The following FGF12 variants were observed in gnomAD, a reference collection of about 807,000 sequenced individuals.
FGF12 encodes the protein fibroblast growth factor 12B.
A neutral mutation model predicts 23.6 loss-of-function variants in FGF12; 14 were observed. That is an observed-to-expected ratio of 0.59 (90% CI 0.39 to 0.93). The LOEUF (loss-of-function observed/expected upper bound fraction) is 0.93. FGF12 is among the 40% of genes least tolerant of loss of function. FGF12 has a pLI of 0.00. For synonymous variants in FGF12, 62 were observed against 77.3 expected (o/e 0.80, Z 1.04); for missense variants, 175 against 217.8 (o/e 0.80, Z 1.24).
At chr3:192,518,099 T>A (rs1401114355) in intron 2 of FGF12, among the ~76,000 whole-genome samples, 2 of 152,176 alleles carry the variant, frequency 1.3e-5, no homozygotes, top group African/African-American at 4.8e-5. Flanking sequence ...TTACTGGCAA[T>A]AATATTTTTA....
At chr3:192,572,934 T>G (rs570596147) in intron 2 of FGF12, among the ~76,000 whole-genome samples, 1 of 152,256 alleles carries the variant, frequency 6.6e-6, no homozygotes, top group African/African-American at 2.4e-5. Context: ...AATAAATATT[T>G]AGTAAATGTT....
At chr3:192,181,398 C>G (rs1219060626) in intron 4 of FGF12, among the ~76,000 whole-genome samples, 1 of 151,394 alleles carries the variant, frequency 6.6e-6, no homozygotes, top group Non-Finnish European at 1.5e-5. Flanking sequence ...CACACACACA[C>G]AGCATGACAA....
intron 3 of FGF12, among the ~76,000 whole-genome samples, chr3:192,337,857 AT>A (rs1455090551): frequency 1.3e-5 from 2 of 152,172 alleles, no homozygotes; most frequent in African/African-American, 4.8e-5. Flanking sequence ...CCTCAGTAAT[AT>A]TTTTTAGTTT....
Position 192,396,126 on chromosome 3 carries a change from A to T in FGF12, c.14-35588T>A, listed in dbSNP as rs80077142. Among the ~76,000 whole-genome samples, 1,145 of 152,296 alleles carry T rather than the reference A, an allele frequency of 7.5e-3. 19 individuals carry two copies. Among genetic ancestry groups the T allele is most frequent in the African/African-American group, 0.026 (1,086 of 41,548 alleles). Reference sequence around the variant, plus strand: ...AGACAGATTGTGGCTAAGTTTTTTAAATTAAGAAATTACTGTTTTTCTTGA... The same window carrying T: ...AGACAGATTGTGGCTAAGTTTTTTATATTAAGAAATTACTGTTTTTCTTGA... On this transcript the variant is annotated intron_variant, in intron 2 of 5. Coordinates refer to ENST00000445105, the MANE Select transcript of FGF12 (RefSeq NM_004113.6).
rs755224271 is a variant in FGF12 at position 192,437,025 on chromosome 3, C to T, written c.14-76487G>A. On this transcript the variant is annotated intron_variant, in intron 2 of 5. Coordinates refer to ENST00000445105, the MANE Select transcript of FGF12 (RefSeq NM_004113.6). The stretch of plus-strand genomic sequence containing the variant: ...TAGAGGCTATGGAGGTGTTTAAGGA[C>T]GAGAGTGATATAGTCTGAATTGCAT... Among the ~76,000 whole-genome samples the T allele has an allele frequency of 4.6e-5, 7 of 152,208 alleles. No homozygotes were observed. In the South Asian group the frequency reaches 6.2e-4, roughly 14 times the overall value.
At position 192,408,290 on chromosome 3, in the gene FGF12, G is replaced by A; in HGVS notation, c.14-47752C>T. On this transcript the variant is annotated intron_variant, in intron 2 of 5. Transcript: ENST00000445105. This position sits in a 1 kb window ranked among gnomAD's most constrained non-coding sequence, Gnocchi z 7.3. ...CCTCCGGCTTGCGCTCCGCCGGGGCGAGGGCAGGACCTGGGCGGCCAGGGA... is the reference window on the plus strand; with the variant it reads ...CCTCCGGCTTGCGCTCCGCCGGGGCAAGGGCAGGACCTGGGCGGCCAGGGA... The A allele has an allele frequency of 2.0e-6, 3 of 1,485,972 alleles. No individual in the cohort carries two copies. Among genetic ancestry groups the A allele is most frequent in the Non-Finnish European group, 2.7e-6 (3 of 1,123,044 alleles). 92.0% of individuals were successfully genotyped at this position (1,485,972 alleles called of 1,614,324 possible).
intron 2 of FGF12, among the ~76,000 whole-genome samples, chr3:192,524,119 G>T (rs1171045224): frequency 2.0e-5 from 3 of 151,980 alleles, no homozygotes; most frequent in African/African-American, 7.3e-5. Flanking sequence ...CCAGCAGCAG[G>T]GCTGCAACTA....
At chr3:192,708,002 C>T (rs1473616665) in intron 2 of FGF12, among the ~76,000 whole-genome samples, 1 of 152,126 alleles carries the variant, frequency 6.6e-6, no homozygotes, top group Non-Finnish European at 1.5e-5. Flanking sequence ...CTCTGTCACC[C>T]AGGCTGGAGT....
intron 5 of FGF12, among the ~76,000 whole-genome samples, chr3:192,157,639 T>C (rs1714497897): frequency 6.6e-6 from 1 of 152,220 alleles, no homozygotes; most frequent in Admixed American, 6.5e-5. Context: ...TTACAACTTC[T>C]AACATTCAAC....
intron 2 of FGF12, among the ~76,000 whole-genome samples, chr3:192,459,132 T>C (rs1038108514): frequency 1.3e-5 from 2 of 152,224 alleles, no homozygotes; most frequent in African/African-American, 4.8e-5. Context: ...TATGTCTTTA[T>C]CAGCAATGTG....
At chr3:192,343,316 C>G (rs1301579020) in intron 3 of FGF12, among the ~76,000 whole-genome samples, 2 of 152,064 alleles carry the variant, frequency 1.3e-5, no homozygotes, top group Non-Finnish European at 2.9e-5. Context: ...ATATCATTTC[C>G]CACATCTCAA....
At chr3:192,564,037 GTT>G (rs111447729) in intron 2 of FGF12, among the ~76,000 whole-genome samples, 30 of 135,626 alleles carry the variant, frequency 2.2e-4, no homozygotes, top group African/African-American at 1.0e-3. Context: ...GTAGTTTTTT[GTT>G]TTTTTTTGTT....
intron 4 of FGF12, among the ~76,000 whole-genome samples, chr3:192,199,893 A>T (rs910348190): frequency 6.6e-6 from 1 of 152,212 alleles, no homozygotes; most frequent in Non-Finnish European, 1.5e-5. Context: ...TATGACCAGA[A>T]TGATTCATAT....
At chr3:192,469,910 A>G (rs182855772) in intron 2 of FGF12, among the ~76,000 whole-genome samples, 1 of 152,356 alleles carries the variant, frequency 6.6e-6, no homozygotes, top group Admixed American at 6.5e-5. Context: ...CATAAAAATT[A>G]TCTGTTTTAC....
chr3:192,413,179 G>A (rs570853475), intron 2 of FGF12, among the ~76,000 whole-genome samples: 1 of 152,284 alleles, frequency 6.6e-6, no homozygotes, highest in South Asian at 2.1e-4. Flanking sequence ...CATAGGCCAA[G>A]TCTTTCAACT....
chr3:192,224,471 A>T (rs979011393), intron 4 of FGF12, among the ~76,000 whole-genome samples: 1 of 152,260 alleles, frequency 6.6e-6, no homozygotes, highest in South Asian at 2.1e-4. Flanking sequence ...TCAATTCTGC[A>T]TCTCTTAGAT....
At chr3:192,145,417 T>C (rs919851516) in intron 5 of FGF12, among the ~76,000 whole-genome samples, 1 of 152,230 alleles carries the variant, frequency 6.6e-6, no homozygotes, top group African/African-American at 2.4e-5. Flanking sequence ...GAGACAGATT[T>C]CTTCCAACAT....
chr3:192,199,723 A>AAGGT (rs1717261397), intron 4 of FGF12, among the ~76,000 whole-genome samples: 1 of 152,180 alleles, frequency 6.6e-6, no homozygotes, highest in Non-Finnish European at 1.5e-5. Flanking sequence ...AAAAAATAAA[A>AAGGT]AGGTAGTCTA....
intron 2 of FGF12, among the ~76,000 whole-genome samples, chr3:192,439,867 C>T (rs933688859): frequency 1.3e-5 from 2 of 151,714 alleles, no homozygotes; most frequent in African/African-American, 4.8e-5. Flanking sequence ...ATCCCAGCTA[C>T]TTGGGAGGCT....
Sources: gnomAD v4.1 joint callset for allele counts (sites outside exome capture counted in the v4.1 genomes callset) on GRCh38, gnomAD v4.1.1 for gene constraint, Gnocchi (gnomAD v3.1) non-coding constraint, MANE v1.5 for transcripts, NCBI Gene and HGNC (gene_info 2026-07-23, HGNC 2026-07-21) for gene names.